The following AEBP2 variants were observed in gnomAD, a reference collection of about 807,000 sequenced individuals.
AEBP2 encodes zinc finger protein AEBP2.
AEBP2 carries 10 observed loss-of-function variants against 50.8 expected under a neutral mutation model. That is an observed-to-expected ratio of 0.20 (90% CI 0.12 to 0.33). The LOEUF is 0.33. AEBP2 is among the 10% of genes least tolerant of loss of function. The pLI, the probability that AEBP2 is intolerant of heterozygous loss-of-function variation, is 1.00. For synonymous variants in AEBP2, 296 were observed against 261.3 expected (o/e 1.13, Z -1.28); for missense variants, 570 against 688.0 (o/e 0.83, Z 1.92).
At position 19,520,255 on chromosome 12, in the gene AEBP2, AT is replaced by A. The variant is rs1014782209; in HGVS notation, c.*2142del. 1 of 152,246 alleles carries A rather than the reference AT, an allele frequency of 6.6e-6. No homozygotes were observed. Among genetic ancestry groups the A allele is most frequent in the Non-Finnish European group, 1.5e-5 (1 of 68,020 alleles). 9.4% of individuals were successfully genotyped at this position (152,246 alleles called of 1,614,324 possible). On this transcript the variant is annotated 3_prime_UTR_variant, in exon 8 of 8. Coordinates refer to ENST00000266508, the MANE Select transcript of AEBP2 (RefSeq NM_153207.5). ...CTTCAAATTGTAACAATTCAATTGA[AT>A]TTTAAAATGACACCTGAAAAGATAC...
At chr12:19,457,157 G>A in intron 1 of AEBP2, 1 of 1,597,744 alleles carries the variant, frequency 6.3e-7, no homozygotes, top group Non-Finnish European at 8.5e-7. Flanking sequence ...CTGTAGGGTG[G>A]CTCAGTGGAA....
intron 2 of AEBP2, among the ~76,000 whole-genome samples, chr12:19,465,165 C>T (rs1471589566): frequency 4.0e-5 from 6 of 151,896 alleles, no homozygotes; most frequent in East Asian, 2.0e-4. Context: ...GAGGCTGAGG[C>T]GCGCGGATCA....
At chr12:19,442,550 T>G (rs539934178) in intron 1 of AEBP2, among the ~76,000 whole-genome samples, 1 of 152,362 alleles carries the variant, frequency 6.6e-6, no homozygotes, top group African/African-American at 2.4e-5. Context: ...AGATATTTAC[T>G]TGAGTATATA....
chr12:19,431,661 A>G (rs902693303), intron 1 of AEBP2, among the ~76,000 whole-genome samples: 2 of 152,250 alleles, frequency 1.3e-5, no homozygotes, highest in African/African-American at 4.8e-5. Flanking sequence ...CTCAAAAACT[A>G]TAATCATTAT....
At chr12:19,510,943 G>A (rs149016481) in intron 5 of AEBP2, among the ~76,000 whole-genome samples, 315 of 134,590 alleles carry the variant, frequency 2.3e-3, no homozygotes, top group Non-Finnish European at 3.8e-3. Context: ...TCCTGGGCAG[G>A]TGATCCTGTC....
chr12:19,445,072 G>A (rs1442988496), intron 1 of AEBP2, among the ~76,000 whole-genome samples: 9 of 152,110 alleles, frequency 5.9e-5, no homozygotes, highest in Non-Finnish European at 1.3e-4. Context: ...TATGAAAGGG[G>A]GACAATAATG....
chr12:19,442,468 T>A (rs1352243255), intron 1 of AEBP2, among the ~76,000 whole-genome samples: 1 of 152,246 alleles, frequency 6.6e-6, no homozygotes, highest in Admixed American at 6.5e-5. Flanking sequence ...ATTTACTACA[T>A]CACTTCAGGA....
intron 1 of AEBP2, chr12:19,419,096 C>A: frequency 6.1e-6 from 1 of 164,738 alleles, no homozygotes. Flanking sequence ...TTGACTTGTG[C>A]TGTTTCAGAT....
chr12:19,518,850 A>G lies in AEBP2; in HGVS notation c.*733A>G, dbSNP rs1450927799. 4 of 549,958 alleles carry G rather than the reference A, an allele frequency of 7.3e-6. No individual in the cohort carries two copies. The African/African-American group carries it at 7.8e-5, about 11-fold the overall frequency. 34.1% of individuals were successfully genotyped at this position (549,958 alleles called of 1,614,324 possible). On this transcript the variant is annotated 3_prime_UTR_variant, in exon 8 of 8. Coordinates refer to ENST00000266508, the MANE Select transcript of AEBP2 (RefSeq NM_153207.5). ...CTTTCTCATGGAGTACAGTATGTTA[A>G]TATTTACCTATATAACTAATCTGTT...
intron 2 of AEBP2, among the ~76,000 whole-genome samples, chr12:19,464,830 TC>T (rs1413934463): frequency 6.6e-6 from 1 of 151,796 alleles, no homozygotes; most frequent in Non-Finnish European, 1.5e-5. Flanking sequence ...CCTCAGGTGA[TC>T]CACCCGCCTC....
intron 1 of AEBP2, among the ~76,000 whole-genome samples, chr12:19,424,212 G>A (rs1484063820): frequency 6.6e-6 from 1 of 152,014 alleles, no homozygotes; most frequent in Non-Finnish European, 1.5e-5. Flanking sequence ...GAGAAGAGTG[G>A]CAAGGAAGGA....
intron 5 of AEBP2, among the ~76,000 whole-genome samples, chr12:19,502,882 A>G (rs938027066): frequency 2.0e-5 from 3 of 152,138 alleles, no homozygotes; most frequent in Non-Finnish European, 4.4e-5. Context: ...TCCCAACCTC[A>G]GGTGATCCAG....
At chr12:19,413,343 G>T in intron 1 of AEBP2, 2 of 1,085,654 alleles carry the variant, frequency 1.8e-6, no homozygotes, top group Non-Finnish European at 2.9e-6. Flanking sequence ...CTGAGAAGGT[G>T]TCAGAACAAG....
rs369990484 is a variant in AEBP2, at chr12:19,455,017, T to C, written c.672-7493T>C. The stretch of plus-strand genomic sequence containing the variant: ...GTGGTTCTCAGATTTTTTTTTTTTT[T>C]CATGAGATAGAATCTTGCTCTGTCA... On this transcript the variant is annotated intron_variant, in intron 1 of 7. Coordinates refer to ENST00000266508, the MANE Select transcript of AEBP2 (RefSeq NM_153207.5). 9.2e-5 allele frequency among the ~76,000 whole-genome samples: 14 copies of C among 152,180 alleles called. No individual in the cohort carries two copies. The East Asian group carries it at 1.7e-3, about 19-fold the overall frequency.
chr12:19,457,628 A>G (rs1948294070), intron 1 of AEBP2: 6 of 1,440,520 alleles, frequency 4.2e-6, no homozygotes, highest in South Asian at 1.6e-5. Context: ...CAATGTGGAT[A>G]TGAGTCTTTT....
chr12:19,450,748 G>T (rs1291645618), intron 1 of AEBP2, among the ~76,000 whole-genome samples: 1 of 150,954 alleles, frequency 6.6e-6, no homozygotes, highest in Non-Finnish European at 1.5e-5. Flanking sequence ...AGGCTGAGAC[G>T]GGAAGATCGT....
chr12:19,485,431 G>C (rs770476439), intron 3 of AEBP2, among the ~76,000 whole-genome samples: 2 of 152,016 alleles, frequency 1.3e-5, no homozygotes, highest in Non-Finnish European at 2.9e-5. Context: ...GAGTAGGCCG[G>C]GTGTCCTGGC....
intron 1 of AEBP2, among the ~76,000 whole-genome samples, chr12:19,407,814 C>T (rs950355645): frequency 3.3e-5 from 5 of 151,996 alleles, no homozygotes; most frequent in East Asian, 1.9e-4. Context: ...TTTGGGAGGC[C>T]GAGGCGGGCG....
chr12:19,445,745 G>A (rs987888605), intron 1 of AEBP2, among the ~76,000 whole-genome samples: 1 of 152,104 alleles, frequency 6.6e-6, no homozygotes, highest in African/African-American at 2.4e-5. Flanking sequence ...AAAAGGATAT[G>A]GTAGACTAAA....
Sources: gnomAD v4.1 joint callset for allele counts (sites outside exome capture counted in the v4.1 genomes callset) on GRCh38, gnomAD v4.1.1 for gene constraint, MANE v1.5 for transcripts, NCBI Gene and HGNC (gene_info 2026-07-23, HGNC 2026-07-21) for gene names.